Variants in CPNE4 observed in about 807,000 individuals in gnomAD.
The protein encoded by CPNE4 is copine-4.
In CPNE4, 25 loss-of-function variants were observed where a neutral mutation model predicts 67.9. That is an observed-to-expected ratio of 0.37 (90% confidence interval 0.27 to 0.51). CPNE4 has a LOEUF of 0.51. CPNE4 is among the 20% of genes least tolerant of loss of function. The pLI is 0.93. For missense variants in CPNE4, 464 were observed against 690.8 expected (o/e 0.67, Z 3.68); for synonymous variants, 242 against 244.9 (o/e 0.99, Z 0.11).
chr3:131,768,830 G>C (rs1297083130), intron 2 of CPNE4, among the ~76,000 whole-genome samples: 1 of 152,136 alleles, frequency 6.6e-6, no homozygotes, highest in African/African-American at 2.4e-5. Context: ...ACTAGGCCAT[G>C]ATTCCAGAGA....
intron 1 of CPNE4, among the ~76,000 whole-genome samples, chr3:131,968,923 A>G (rs943781936): frequency 2.6e-5 from 4 of 152,238 alleles, no homozygotes; most frequent in Non-Finnish European, 5.9e-5. Context: ...TTATTGCAGC[A>G]CTATTCACAA....
intron 1 of CPNE4, among the ~76,000 whole-genome samples, chr3:131,967,748 G>C (rs2072392560): frequency 6.6e-6 from 1 of 152,074 alleles, no homozygotes; most frequent in Non-Finnish European, 1.5e-5. Context: ...TCATAGACCG[G>C]AAAAATCAAT....
chr3:131,799,575 A>T (rs1478432576), intron 2 of CPNE4, among the ~76,000 whole-genome samples: 1 of 152,140 alleles, frequency 6.6e-6, no homozygotes, highest in Non-Finnish European at 1.5e-5. Context: ...AAATAAACTG[A>T]AGTAATATTC....
At chr3:131,953,246 A>T (rs9880448) in intron 1 of CPNE4, among the ~76,000 whole-genome samples, 2,727 of 64,918 alleles carry the variant, frequency 0.042, 108 homozygotes, top group African/African-American at 0.1. Flanking sequence ...AATTAAAAAA[A>T]AAAAAAAAAA....
chr3:131,635,220 A>G (rs1053170069), intron 7 of CPNE4, among the ~76,000 whole-genome samples: 1 of 152,196 alleles, frequency 6.6e-6, no homozygotes, highest in South Asian at 2.1e-4. Context: ...GGGTCATAGA[A>G]TGACTTAACA....
At chr3:131,629,733 C>T (rs1052786332) in intron 7 of CPNE4, among the ~76,000 whole-genome samples, 1 of 152,220 alleles carries the variant, frequency 6.6e-6, no homozygotes, top group East Asian at 1.9e-4. Context: ...GTGGGAGCCA[C>T]TGTGCCTGGT....
chr3:131,994,761 G>C (rs1425030531), intron 1 of CPNE4, among the ~76,000 whole-genome samples: 3 of 152,094 alleles, frequency 2.0e-5, no homozygotes, highest in Non-Finnish European at 2.9e-5. Flanking sequence ...TGGGGAGATG[G>C]ATAAAACAGA....
chr3:132,010,866 T>A (rs542063815), intron 1 of CPNE4, among the ~76,000 whole-genome samples: 2 of 152,238 alleles, frequency 1.3e-5, no homozygotes, highest in African/African-American at 4.8e-5. Context: ...GCTCCCTTTT[T>A]TCCAAACCCC....
At chr3:131,574,990 C>T in intron 10 of CPNE4, 81 bp downstream of exon 10, 1 of 1,198,964 alleles carries the variant, frequency 8.3e-7, no homozygotes, top group Non-Finnish European at 1.2e-6. Flanking sequence ...GCTTTTGTCT[C>T]TTTATCCCCC....
chr3:131,535,877 A>G (rs988187612), intron 15 of CPNE4, among the ~76,000 whole-genome samples: 1 of 152,348 alleles, frequency 6.6e-6, no homozygotes, highest in East Asian at 1.9e-4. Flanking sequence ...ATTCATATGC[A>G]TATTAAAATT....
At chr3:131,923,642 C>G (rs1212783553) in intron 1 of CPNE4, among the ~76,000 whole-genome samples, 1 of 130,674 alleles carries the variant, frequency 7.7e-6, no homozygotes, top group African/African-American at 2.9e-5. Flanking sequence ...GAGGTGGAGG[C>G]TGCAGTGAGC....
At chr3:132,009,087 T>C (rs2073681882) in intron 1 of CPNE4, among the ~76,000 whole-genome samples, 2 of 152,180 alleles carry the variant, frequency 1.3e-5, no homozygotes, top group African/African-American at 4.8e-5. Context: ...CACATCCTCT[T>C]ACCTAATAGA....
upstream of CPNE4, chr3:132,037,507 A>C: frequency 1.4e-6 from 2 of 1,410,952 alleles, no homozygotes; most frequent in Non-Finnish European, 1.9e-6. Context: ...CGCCAGCCAC[A>C]GTCCCCTCAA....
chr3:131,764,311 C>T (rs1322136533), intron 2 of CPNE4, among the ~76,000 whole-genome samples: 1 of 151,286 alleles, frequency 6.6e-6, no homozygotes, highest in Non-Finnish European at 1.5e-5. Context: ...TAAAAAGAAA[C>T]CTTAAAGGTC....
intron 2 of CPNE4, among the ~76,000 whole-genome samples, chr3:131,729,033 T>G (rs2082069564): frequency 6.6e-6 from 1 of 152,074 alleles, no homozygotes; most frequent in South Asian, 2.1e-4. Context: ...ACAGGCAAAG[T>G]TGCGGGAGAG....
chr3:131,797,465 A>G (rs2107899655), intron 2 of CPNE4, among the ~76,000 whole-genome samples: 2 of 152,308 alleles, frequency 1.3e-5, no homozygotes, highest in South Asian at 4.1e-4. Flanking sequence ...TGTTCGCTAG[A>G]GATTCTACCA....
At chr3:131,615,204 G>T (rs962265649) in intron 7 of CPNE4, among the ~76,000 whole-genome samples, 6 of 152,090 alleles carry the variant, frequency 3.9e-5, no homozygotes, top group Non-Finnish European at 7.4e-5. Flanking sequence ...CCTCATATTT[G>T]CACTGTTTAC....
chr3:131,872,365 G>T (rs79760409), intron 2 of CPNE4, among the ~76,000 whole-genome samples: 48,887 of 151,892 alleles, frequency 0.32, 8,366 homozygotes, highest in African/African-American at 0.43. Flanking sequence ...ACGACCAGCT[G>T]GTCCAAGAAC....
chr3:131,975,850 T>C (rs1431321864), intron 1 of CPNE4, among the ~76,000 whole-genome samples: 1 of 152,094 alleles, frequency 6.6e-6, no homozygotes, highest in Non-Finnish European at 1.5e-5. Flanking sequence ...TATGAGGAAA[T>C]GACATGCAAA....
Sources: gnomAD v4.1 joint callset for allele counts (sites outside exome capture counted in the v4.1 genomes callset) on GRCh38, gnomAD v4.1.1 for gene constraint, MANE v1.5 for transcripts, NCBI Gene and HGNC (gene_info 2026-07-23, HGNC 2026-07-21) for gene names.